Variants in KCNQ2 observed in about 807,000 individuals in gnomAD.
KCNQ2 encodes potassium voltage-gated channel subfamily KQT member 2.
A neutral mutation model predicts 84.8 loss-of-function variants in KCNQ2; 14 were observed. That is an observed-to-expected ratio of 0.17 (90% CI 0.11 to 0.26). KCNQ2 has a LOEUF of 0.26. KCNQ2 is among the 10% of genes least tolerant of loss of function. The pLI, the probability that KCNQ2 is intolerant of heterozygous loss-of-function variation, is 1.00. For missense variants in KCNQ2, 788 were observed against 1,254.0 expected, an observed-to-expected ratio of 0.63 and a Z score of 5.61; for synonymous variants, 599 against 554.1, an observed-to-expected ratio of 1.08 and a Z score of -1.14.
chr20:63,428,295 C>A, intron 10 of KCNQ2, 72 bp downstream of exon 10: 1 of 1,184,900 alleles, frequency 8.4e-7, no homozygotes, highest in Non-Finnish European at 1.2e-6. Flanking sequence ...CCTGGCGTGT[C>A]TTCTGTGGGC....
chr20:63,444,818 G>A lies in KCNQ2; in HGVS notation c.531C>T (p.Ile177=), dbSNP rs1170316817. ...CGGCGGCCAGCACCGCAATGGAGGC[G>A]ATGAGCACCATGATGTCTACAAAGC... is the stretch of plus-strand genomic sequence containing the variant. ...PFCVIDIMVL[I]ASIAVLAAGS... Residue 177 remains isoleucine, a synonymous_variant, in exon 4 of 17, where the codon ATC becomes ATT. Coordinates refer to ENST00000359125, the MANE Select transcript of KCNQ2 (RefSeq NM_172107.4). 18 of 1,603,378 alleles carry A rather than the reference G, an allele frequency of 1.1e-5. No individual in the cohort carries two copies. The highest frequency in any genetic ancestry group is 1.7e-4 in the Middle Eastern group (1 of 6,032).
rs1417022805 is a variant in KCNQ2 at position 63,400,309 on chromosome 20, C to T, written c.*6335G>A. 3 of 270,498 alleles carry T rather than the reference C, an allele frequency of 1.1e-5. No homozygotes were observed. Among genetic ancestry groups the T allele is most frequent in the Non-Finnish European group, 1.4e-5 (2 of 145,674 alleles). 16.8% of individuals were successfully genotyped at this position (270,498 alleles called of 1,614,324 possible). On this transcript the variant is annotated 3_prime_UTR_variant, in exon 17 of 17. Transcript: ENST00000359125. This position sits in a 1 kb window ranked among gnomAD's most constrained non-coding sequence, Gnocchi z 8.7. ...TCCCCAGAACCTTCCACGGCCATCGCGGCCGCAGGACCCCACACCCGAAGT... is the reference window on the plus strand; with the variant it reads ...TCCCCAGAACCTTCCACGGCCATCGTGGCCGCAGGACCCCACACCCGAAGT...
chr20:63,458,391 C>G, intron 1 of KCNQ2, among the ~76,000 whole-genome samples: 1 of 152,158 alleles, frequency 6.6e-6, no homozygotes, highest in South Asian at 2.1e-4. Flanking sequence ...CACCCTGCTC[C>G]CCTCCTGCCC....
Position 63,472,243 on chromosome 20 carries a change from T to G in KCNQ2, c.221A>C (p.Tyr74Ser). 1.9e-6 allele frequency: 3 copies of G among 1,540,900 alleles called. No individual in the cohort carries two copies. Among genetic ancestry groups the G allele is most frequent in the Non-Finnish European group, 2.6e-6 (3 of 1,143,810 alleles). The change falls in exon 1 of 17, where the codon TAC (tyrosine) becomes TCC (serine). Residue 74 changes from tyrosine to serine, a missense_variant. Physicochemically the swap from Tyr to Ser is moderately radical, Grantham distance 144. This residue lies in a region of KCNQ2 where 106 missense variants were observed against 214.8 expected (regional missense o/e 0.49). Coordinates refer to ENST00000359125, the MANE Select transcript of KCNQ2 (RefSeq NM_172107.4). ...GTAGAGGAAATTCTGCAGCTTGCGGTAGAAGGCGTTGCGCTTGGGGGGCTT... is the reference window on the plus strand; with the variant it reads ...GTAGAGGAAATTCTGCAGCTTGCGGGAGAAGGCGTTGCGCTTGGGGGGCTT... ...AGKPPKRNAFYRKLQNFLYNV... is the reference protein window; with the variant it reads ...AGKPPKRNAFSRKLQNFLYNV...
intron 1 of KCNQ2, among the ~76,000 whole-genome samples, chr20:63,465,681 CG>C (rs1035769761): frequency 2.6e-5 from 4 of 152,202 alleles, no homozygotes; most frequent in African/African-American, 9.7e-5. Context: ...ATCTGTTAGG[CG>C]TGTTGAACAG....
intron 15 of KCNQ2, among the ~76,000 whole-genome samples, chr20:63,412,924 G>A (rs753041995): frequency 1.3e-5 from 2 of 152,222 alleles, no homozygotes; most frequent in East Asian, 1.9e-4. Flanking sequence ...GGACTTAGGG[G>A]ACACCTATGC....
chr20:63,433,633 C>T (rs1472162528), intron 8 of KCNQ2, 176 bp downstream of exon 8: 2 of 1,218,476 alleles, frequency 1.6e-6, no homozygotes, highest in Non-Finnish European at 2.3e-6. Flanking sequence ...GCAGCTCTAA[C>T]ACAAAGGGCA....
In KCNQ2 at chr20:63,413,366, C is replaced by T. The variant is rs186324056; in HGVS notation, c.1763+84G>A. 1.0e-4 allele frequency: 162 copies of T among 1,562,314 alleles called. No homozygotes were observed. In the African/African-American group the frequency reaches 2.0e-3, roughly 19 times the overall value. On this transcript the variant is annotated intron_variant, in intron 15 of 16. Coordinates refer to ENST00000359125, the MANE Select transcript of KCNQ2 (RefSeq NM_172107.4). Reference sequence around the variant, plus strand: ...AGGCCCCGCCCACACACCCCCTGCACTCCCACCATGGGCCACAGTGGGCTT... The same window carrying T: ...AGGCCCCGCCCACACACCCCCTGCATTCCCACCATGGGCCACAGTGGGCTT...
At position 63,404,444 on chromosome 20, in the gene KCNQ2, C is replaced by G. The variant is rs993487574; in HGVS notation, c.*2200G>C. The G allele has an allele frequency of 6.6e-6, 1 of 151,906 alleles. No individual in the cohort carries two copies. The highest frequency in any genetic ancestry group is 1.5e-5 in the Non-Finnish European group (1 of 68,318). 9.4% of individuals were successfully genotyped at this position (151,906 alleles called of 1,614,324 possible). ...CGGGGGAGGAAAGAGCAGGCGGGGT[C>G]ACACCTGCAGGGGGACACACAGCAC... On this transcript the variant is annotated 3_prime_UTR_variant, in exon 17 of 17. Transcript: ENST00000359125.
intron 1 of KCNQ2, among the ~76,000 whole-genome samples, chr20:63,468,864 G>A (rs4989188): frequency 0.093 from 14,200 of 152,242 alleles, 1,089 homozygotes; most frequent in East Asian, 0.45. Context: ...ATCTCAGGCT[G>A]GGACCCCCCC....
Position 63,408,674 on chromosome 20 carries a change from G to A in KCNQ2, c.1764-138C>T. On this transcript the variant is annotated intron_variant, in intron 15 of 16. Transcript: ENST00000359125. This position sits in a 1 kb window ranked among gnomAD's most constrained non-coding sequence, Gnocchi z 5.0. The stretch of plus-strand genomic sequence containing the variant: ...CAGAGCCGACCAGGGGGCAGTGGGT[G>A]CCAGGACAGATGGACGGGGTGCGCC... The A allele has an allele frequency of 7.5e-7, 1 of 1,334,116 alleles. No homozygotes were observed. The highest frequency in any genetic ancestry group is 1.3e-5 in the South Asian group (1 of 79,326). 82.6% of individuals were successfully genotyped at this position (1,334,116 alleles called of 1,614,324 possible).
At chr20:63,437,094 C>T (rs1185679265) in intron 7 of KCNQ2, among the ~76,000 whole-genome samples, 1 of 152,124 alleles carries the variant, frequency 6.6e-6, no homozygotes, top group African/African-American at 2.4e-5. Flanking sequence ...ACATAACTTC[C>T]ATATGCACTG....
chr20:63,423,023 CGG>C (rs1601600831), intron 11 of KCNQ2, among the ~76,000 whole-genome samples: 1 of 152,160 alleles, frequency 6.6e-6, no homozygotes, highest in African/African-American at 2.4e-5. Context: ...GCAGCAGGGG[CGG>C]GGGAGGCAGT....
chr20:63,418,339 C>G (rs1416567348), intron 12 of KCNQ2, among the ~76,000 whole-genome samples: 1 of 152,218 alleles, frequency 6.6e-6, no homozygotes, highest in Non-Finnish European at 1.5e-5. Flanking sequence ...AGCGCGCCAT[C>G]CCCACCCGGC....
At chr20:63,413,343 G>A in intron 15 of KCNQ2, 107 bp downstream of exon 15, 1 of 1,353,824 alleles carries the variant, frequency 7.4e-7, no homozygotes, top group Non-Finnish European at 1.0e-6. Context: ...TGGGGAGGAG[G>A]CCCCGCCCAC....
intron 12 of KCNQ2, 65 bp downstream of exon 12, chr20:63,419,554 G>C (rs2080402499): frequency 6.6e-6 from 10 of 1,511,164 alleles, no homozygotes; most frequent in Non-Finnish European, 9.0e-6. Flanking sequence ...AGAACCTCTA[G>C]TAAGCAGGGA....
chr20:63,433,932 G>A lies in KCNQ2; in HGVS notation c.1024-29C>T, dbSNP rs755363926. 1.2e-5 allele frequency: 19 copies of A among 1,605,896 alleles called. No individual in the cohort carries two copies. The East Asian group carries it at 3.1e-4, about 26-fold the overall frequency. On this transcript the variant is annotated intron_variant, in intron 7 of 16. Transcript: ENST00000359125. The stretch of plus-strand genomic sequence containing the variant: ...CGGAGGGAAAGACAAGGCAGTTGGC[G>A]AGGGGCAGGCGGCGAGGGGCGCGCC...
At position 63,431,088 on chromosome 20, in the gene KCNQ2, G is replaced by A. The variant is rs554652799; in HGVS notation, c.1148+252C>T. On this transcript the variant is annotated intron_variant, in intron 9 of 16. Transcript: ENST00000359125. ...AGCAGCGGCTGGGGGGAGGCAGGAC[G>A]AGAAGGGTGGATGGGCCCTGGGAGG... is the stretch of plus-strand genomic sequence containing the variant. 1.5e-3 allele frequency among the ~76,000 whole-genome samples: 227 copies of A among 152,308 alleles called. 1 individual carries two copies. Among genetic ancestry groups the A allele is most frequent in the African/African-American group, 4.2e-3 (175 of 41,568 alleles).
chr20:63,432,896 C>T (rs1204616693), intron 8 of KCNQ2, among the ~76,000 whole-genome samples: 2 of 152,084 alleles, frequency 1.3e-5, no homozygotes, highest in African/African-American at 2.4e-5. Flanking sequence ...AAGGCCCCAC[C>T]CTTAGGGAAG....
Sources: allele counts gnomAD v4.1 joint callset (sites outside exome capture counted in the v4.1 genomes callset), GRCh38; gene constraint gnomAD v4.1.1; regional missense constraint gnomAD v4.1.1; non-coding constraint Gnocchi (gnomAD v3.1); transcripts MANE v1.5; gene names NCBI Gene and HGNC (gene_info 2026-07-23, HGNC 2026-07-21).